Variants in C3orf52 observed in about 807,000 individuals in gnomAD.
C3orf52 encodes chromosome 3 open reading frame 52.
A neutral mutation model predicts 24.8 loss-of-function variants in C3orf52; 22 were observed. The observed-to-expected ratio is 0.89, with a 90% confidence interval of 0.63 to 1.27. The LOEUF (loss-of-function observed/expected upper bound fraction) is 1.27, where lower values mean the gene tolerates loss of function less well. C3orf52 is among the 50% of genes most tolerant of loss of function. The pLI, the probability that C3orf52 is intolerant of heterozygous loss-of-function variation, is 0.00. For synonymous variants in C3orf52, 93 were observed against 100.2 expected, an observed-to-expected ratio of 0.93 and a Z score of 0.43; for missense variants, 265 against 260.7, an observed-to-expected ratio of 1.02 and a Z score of -0.11.
chr3:112,098,863 A>T (rs1330115137), intron 2 of C3orf52, among the ~76,000 whole-genome samples: 1 of 152,156 alleles, frequency 6.6e-6, no homozygotes, highest in African/African-American at 2.4e-5. Context: ...CTCTCCCCTC[A>T]TGATCTAATC....
intron 2 of C3orf52, among the ~76,000 whole-genome samples, chr3:112,096,931 G>A (rs1260212041): frequency 1.3e-5 from 2 of 152,214 alleles, no homozygotes; most frequent in Non-Finnish European, 2.9e-5. Context: ...AAAGCACTGA[G>A]TAGGGGCTTT....
In C3orf52 at chr3:112,101,128, C is replaced by T. The variant is rs149505102; in HGVS notation, c.269-1710C>T. ...TTAAGGACGCAGGGATAATTCCCTA[C>T]GTTTGGGGGTCCCCAAGATTACTCC... On this transcript the variant is annotated intron_variant, in intron 2 of 5. Transcript: ENST00000264848. Among the ~76,000 whole-genome samples the T allele has an allele frequency of 1.1e-4, 17 of 152,216 alleles. No individual in the cohort carries two copies. In the East Asian group the frequency reaches 2.9e-3, roughly 26 times the overall value.
Position 112,117,300 on chromosome 3 carries a change from C to A in C3orf52, c.*654C>A. 6.6e-6 allele frequency: 2 copies of A among 303,620 alleles called. No homozygotes were observed. Among genetic ancestry groups the A allele is most frequent in the South Asian group, 2.3e-4 (2 of 8,590 alleles). 18.8% of individuals were successfully genotyped at this position (303,620 alleles called of 1,614,324 possible). A position where few individuals can be genotyped will look rare whatever the true frequency, so the allele number is the denominator to read the frequency against. On this transcript the variant is annotated 3_prime_UTR_variant, in exon 6 of 6. Coordinates refer to ENST00000264848, the MANE Select transcript of C3orf52 (RefSeq NM_024616.3). ...TCTGTGTCTACTTCCATGACCTGTA[C>A]CTGAGTATCTTAGCCAGCCAGCCTT...
intron 5 of C3orf52, among the ~76,000 whole-genome samples, chr3:112,114,970 CT>C (rs1406553870): frequency 1.3e-5 from 2 of 152,202 alleles, no homozygotes; most frequent in Non-Finnish European, 2.9e-5. Flanking sequence ...CCAGAAGACC[CT>C]GAGCTTGGCC....
At chr3:112,089,384 C>T (rs1052052669) in intron 1 of C3orf52, among the ~76,000 whole-genome samples, 2 of 151,928 alleles carry the variant, frequency 1.3e-5, no homozygotes, top group South Asian at 2.1e-4. Context: ...CAAAATTAGC[C>T]GGGTGTGGTG....
intron 1 of C3orf52, among the ~76,000 whole-genome samples, chr3:112,091,050 C>T (rs1260403671): frequency 6.6e-6 from 1 of 152,200 alleles, no homozygotes; most frequent in Non-Finnish European, 1.5e-5. Flanking sequence ...AGAGGGATTT[C>T]CTCTGTCAAG....
At chr3:112,130,382 G>C, downstream of C3orf52, 1 of 1,327,514 alleles carries the variant, frequency 7.5e-7, no homozygotes, top group Non-Finnish European at 1.1e-6. Flanking sequence ...GAAGTCCAGG[G>C]CTTGACATAC....
intron 2 of C3orf52, among the ~76,000 whole-genome samples, chr3:112,101,095 T>TG (rs2073968367): frequency 6.6e-6 from 1 of 152,190 alleles, no homozygotes; most frequent in Admixed American, 6.5e-5. Flanking sequence ...TGTCATGACT[T>TG]ATAACAATTA....
chr3:112,121,444 G>A (rs2074197932), downstream of C3orf52: 1 of 152,164 alleles, frequency 6.6e-6, no homozygotes, highest in Non-Finnish European at 1.5e-5. Context: ...GCCTGCATTA[G>A]ATGTAATCCT....
chr3:112,091,694 G>A (rs2073878190), intron 1 of C3orf52, among the ~76,000 whole-genome samples: 1 of 151,238 alleles, frequency 6.6e-6, no homozygotes, highest in Non-Finnish European at 1.5e-5. Context: ...TTTTCTGATG[G>A]CCAGCACCAA....
At chr3:112,135,947 G>A (rs922592114), downstream of C3orf52, among the ~76,000 whole-genome samples, 1 of 151,914 alleles carries the variant, frequency 6.6e-6, no homozygotes, top group African/African-American at 2.4e-5. Context: ...ATTATCTTTG[G>A]GATTGGTTAT....
chr3:112,131,056 T>C (rs963621195), downstream of C3orf52: 7 of 156,780 alleles, frequency 4.5e-5, no homozygotes, highest in Non-Finnish European at 9.9e-5. Context: ...TTGTTGGGAA[T>C]TGGGAGTATG....
At chr3:112,103,871 G>A (rs924914757) in intron 3 of C3orf52, among the ~76,000 whole-genome samples, 1 of 152,186 alleles carries the variant, frequency 6.6e-6, no homozygotes, top group Non-Finnish European at 1.5e-5. Context: ...AGGAAGGCAG[G>A]CGTCAGGTCA....
intron 2 of C3orf52, among the ~76,000 whole-genome samples, chr3:112,097,805 A>G (rs917835812): frequency 6.6e-6 from 1 of 152,192 alleles, no homozygotes; most frequent in South Asian, 2.1e-4. Context: ...TGTGGTCTCC[A>G]TATAATATCT....
chr3:112,109,639 G>A, intron 4 of C3orf52, 26 bp downstream of exon 4: 2 of 1,387,228 alleles, frequency 1.4e-6, no homozygotes, highest in Non-Finnish European at 2.0e-6. Flanking sequence ...ATTACATTTT[G>A]CTCTCTTTCT....
intron 1 of C3orf52, among the ~76,000 whole-genome samples, chr3:112,086,761 C>G (rs920960960): frequency 1.3e-5 from 2 of 152,212 alleles, no homozygotes; most frequent in Non-Finnish European, 2.9e-5. Context: ...CCTCCAACCC[C>G]TCTGACCCCC....
At chr3:112,119,133 A>G (rs962946604), downstream of C3orf52, among the ~76,000 whole-genome samples, 9 of 152,204 alleles carry the variant, frequency 5.9e-5, no homozygotes, top group Admixed American at 1.3e-4. Context: ...CTGTAATCCC[A>G]GCACTTTGGG....
chr3:112,106,342 C>T (rs974524740), intron 3 of C3orf52, among the ~76,000 whole-genome samples: 5 of 152,104 alleles, frequency 3.3e-5, no homozygotes, highest in African/African-American at 1.2e-4. Flanking sequence ...ATTCTCCCTG[C>T]TCAGTCTCCC....
At chr3:112,126,941 TG>T (rs1273389404) in intron 4 of C3orf52, 1 of 1,262,882 alleles carries the variant, frequency 7.9e-7, no homozygotes, top group Non-Finnish European at 1.2e-6. Flanking sequence ...AGTTTGGAAA[TG>T]TAAGTCTTAT....
Sources: allele counts gnomAD v4.1 joint callset (sites outside exome capture counted in the v4.1 genomes callset), GRCh38; gene constraint gnomAD v4.1.1; transcripts MANE v1.5; gene names NCBI Gene and HGNC (gene_info 2026-07-23, HGNC 2026-07-21).